MAP2K5: variants seen among roughly 807,000 people sequenced by gnomAD.
MAP2K5 encodes the protein dual specificity mitogen-activated protein kinase kinase 5.
MAP2K5 carries 49 observed loss-of-function variants against 83.1 expected under a neutral mutation model. That is an observed-to-expected ratio of 0.59 (90% confidence interval 0.47 to 0.75). MAP2K5 has a LOEUF of 0.75. MAP2K5 is among the 30% of genes least tolerant of loss of function. MAP2K5 has a pLI of 0.00. For missense variants in MAP2K5, 457 were observed against 557.5 expected, an observed-to-expected ratio of 0.82 and a Z score of 1.82; for synonymous variants, 202 against 191.8, an observed-to-expected ratio of 1.05 and a Z score of -0.44.
chr15:67,667,896 G>A (rs188586117), intron 13 of MAP2K5, among the ~76,000 whole-genome samples: 176 of 152,258 alleles, frequency 1.2e-3, no homozygotes, highest in African/African-American at 4.1e-3. Context: ...AGTCTCTCCC[G>A]TAGTTTATAT....
At position 67,747,507 on chromosome 15, in the gene MAP2K5, A is replaced by G. The variant is rs930974639; in HGVS notation, c.1075-724A>G. Among the ~76,000 whole-genome samples, 11 of 152,194 alleles carry G rather than the reference A, an allele frequency of 7.2e-5. No homozygotes were observed. The highest frequency in any genetic ancestry group is 2.4e-4 in the African/African-American group (10 of 41,444). ...TTTATTAATTTTTATGTCACGTTTTAGTAGCTTTGTAAGAAATGCAGTTTA... is the reference window on the plus strand; with the variant it reads ...TTTATTAATTTTTATGTCACGTTTTGGTAGCTTTGTAAGAAATGCAGTTTA... On this transcript the variant is annotated intron_variant, in intron 17 of 21. Coordinates refer to ENST00000178640, the MANE Select transcript of MAP2K5 (RefSeq NM_145160.3). This position sits in a 1 kb window ranked among gnomAD's most constrained non-coding sequence, Gnocchi z 4.1.
intron 12 of MAP2K5, among the ~76,000 whole-genome samples, chr15:67,664,246 C>T (rs1567345004): frequency 6.8e-6 from 1 of 147,514 alleles, no homozygotes; most frequent in East Asian, 2.0e-4. Flanking sequence ...GTAATCCTAG[C>T]ACTTTGGGAG....
chr15:67,800,003 G>A (rs932231587), intron 21 of MAP2K5, among the ~76,000 whole-genome samples: 2 of 152,136 alleles, frequency 1.3e-5, no homozygotes, highest in Admixed American at 6.5e-5. Context: ...TCACTTATCA[G>A]GTCCTCTCCT....
chr15:67,681,771 C>T (rs1024363068), intron 13 of MAP2K5, among the ~76,000 whole-genome samples: 1 of 152,160 alleles, frequency 6.6e-6, no homozygotes, highest in African/African-American at 2.4e-5. Context: ...GAAAAGGACC[C>T]ATAATTCCAG....
intron 16 of MAP2K5, among the ~76,000 whole-genome samples, chr15:67,718,488 G>A (rs1427807862): frequency 6.6e-6 from 1 of 152,158 alleles, no homozygotes; most frequent in African/African-American, 2.4e-5. Context: ...TGGGGGCTGG[G>A]TGCAGTGTCT....
At chr15:67,549,280 T>G (rs2084460954) in intron 1 of MAP2K5, 2 of 1,309,918 alleles carry the variant, frequency 1.5e-6, no homozygotes, top group Non-Finnish European at 1.1e-6. Context: ...CTTTATAGAT[T>G]TATTTAAGCA....
intron 21 of MAP2K5, among the ~76,000 whole-genome samples, chr15:67,773,078 T>C (rs1446206032): frequency 6.6e-6 from 1 of 152,166 alleles, no homozygotes; most frequent in Admixed American, 6.5e-5. Flanking sequence ...AGATCATCAG[T>C]GCAATAAGTT....
intron 8 of MAP2K5, among the ~76,000 whole-genome samples, chr15:67,617,135 G>A (rs9672402): frequency 0.13 from 20,244 of 152,002 alleles, 1,650 homozygotes; most frequent in African/African-American, 0.21. Context: ...GGGTATTTCC[G>A]TGCTCATTTT....
chr15:67,807,010 C>T lies in MAP2K5; in HGVS notation c.*260C>T. 1.4e-6 allele frequency: 2 copies of T among 1,422,926 alleles called. No homozygotes were observed. The highest frequency in any genetic ancestry group is 1.9e-6 in the Non-Finnish European group (2 of 1,076,508). The allele number at this position is 1,422,926 out of a possible 1,614,324, so 88.1% of individuals were successfully genotyped here. On this transcript the variant is annotated 3_prime_UTR_variant, in exon 22 of 22. Transcript: ENST00000178640. The surrounding 1 kb of genome is among the most constrained non-coding windows in gnomAD (Gnocchi z 5.1). ...AAGGGTGGGGCATTGAGAATGGAGG[C>T]TCCCAGGGTCCCTGCCCACTTCTGT...
At chr15:67,566,900 A>G (rs1430440712) in intron 3 of MAP2K5, among the ~76,000 whole-genome samples, 1 of 152,268 alleles carries the variant, frequency 6.6e-6, no homozygotes, top group Non-Finnish European at 1.5e-5. Context: ...GGTTTTTGAT[A>G]CATGTGACAC....
intron 11 of MAP2K5, among the ~76,000 whole-genome samples, chr15:67,656,447 C>T (rs924935323): frequency 6.6e-6 from 1 of 151,792 alleles, no homozygotes; most frequent in Admixed American, 6.6e-5. Context: ...GCCTCAGCCT[C>T]CTGAGTAGCC....
Position 67,552,119 on chromosome 15 carries a change from T to TACAACATTTACAAACA in MAP2K5, c.184+2038_184+2039insCAACATTTACAAACAA, listed in dbSNP as rs2084523195. ...ATGAATGATCACACTTTTTACTTTG[T>TACAACATTTACAAACA]ATGTTTCTCTATTGTTTGAACATTT... On this transcript the variant is annotated intron_variant, in intron 2 of 21. Coordinates refer to ENST00000178640, the MANE Select transcript of MAP2K5 (RefSeq NM_145160.3). This position sits in a 1 kb window ranked among gnomAD's most constrained non-coding sequence, Gnocchi z 4.2. Among the ~76,000 whole-genome samples, 1 of 152,204 alleles carries TACAACATTTACAAACA rather than the reference T, an allele frequency of 6.6e-6. No individual in the cohort carries two copies. The highest frequency in any genetic ancestry group is 1.5e-5 in the Non-Finnish European group (1 of 68,034).
At chr15:67,566,304 A>G (rs888837785) in intron 3 of MAP2K5, among the ~76,000 whole-genome samples, 3 of 152,050 alleles carry the variant, frequency 2.0e-5, no homozygotes, top group African/African-American at 7.2e-5. Context: ...CCTCCCGGGT[A>G]GCTGGGATTA....
rs2084339448 is a variant in MAP2K5 at position 67,543,651 on chromosome 15, T to C, written c.135+181T>C. On this transcript the variant is annotated intron_variant, in intron 1 of 21. Transcript: ENST00000178640. The surrounding 1 kb of genome is among the most constrained non-coding windows in gnomAD (Gnocchi z 4.3). ...TGCAACCACTAAAACCTGGCAAATG[T>C]CTAGGACCCTGGGGAGATAGATCAA... Among the ~76,000 whole-genome samples the C allele has an allele frequency of 6.6e-6, 1 of 152,118 alleles. No homozygotes were observed.
intron 21 of MAP2K5, among the ~76,000 whole-genome samples, chr15:67,791,883 G>C (rs752791022): frequency 2.0e-5 from 3 of 152,168 alleles, no homozygotes; most frequent in Admixed American, 2.0e-4. Flanking sequence ...CAGCTATTAG[G>C]AAGATTCACT....
At chr15:67,710,497 G>GTTTTTTTTTTTTTTTTTTT (rs10609519) in intron 16 of MAP2K5, among the ~76,000 whole-genome samples, 1 of 81,012 alleles carries the variant, frequency 1.2e-5, no homozygotes. Context: ...ATCTTCTGAA[G>GTTTTTTTTTTTTTTTTTTT]TTTTTTTTTT....
chr15:67,645,486 TAAATA>T (rs2141117446), intron 9 of MAP2K5, among the ~76,000 whole-genome samples: 1 of 152,290 alleles, frequency 6.6e-6, no homozygotes, highest in South Asian at 2.1e-4. Flanking sequence ...TCTAAATAAA[TAAATA>T]AAATGTCATT....
At chr15:67,687,525 C>G (rs1438807986) in intron 13 of MAP2K5, among the ~76,000 whole-genome samples, 4 of 152,204 alleles carry the variant, frequency 2.6e-5, no homozygotes, top group Non-Finnish European at 5.9e-5. Context: ...GAGACAGGGT[C>G]TTACTCATGT....
chr15:67,544,053 C>T (rs1057089634), intron 1 of MAP2K5, among the ~76,000 whole-genome samples: 1 of 152,226 alleles, frequency 6.6e-6, no homozygotes, highest in Non-Finnish European at 1.5e-5. Context: ...TGGCACATGC[C>T]ATCACACCTG....
Sources: allele counts gnomAD v4.1 joint callset (sites outside exome capture counted in the v4.1 genomes callset), GRCh38; gene constraint gnomAD v4.1.1; non-coding constraint Gnocchi (gnomAD v3.1); transcripts MANE v1.5; gene names NCBI Gene and HGNC (gene_info 2026-07-23, HGNC 2026-07-21).